Variants in CCDC63 observed in about 807,000 individuals in gnomAD.
CCDC63 encodes the protein coiled-coil domain-containing protein 63.
In CCDC63, 54 loss-of-function variants were observed where a neutral mutation model predicts 63.6. The observed-to-expected ratio is 0.85, with a 90% CI of 0.68 to 1.07. The LOEUF (loss-of-function observed/expected upper bound fraction) is 1.07. CCDC63 is among the 50% of genes least tolerant of loss of function. The probability of loss-of-function intolerance (pLI) is 0.00; values close to 1 mark genes in which losing one functional copy is unlikely to be tolerated. For synonymous variants in CCDC63, 253 were observed against 266.1 expected, an observed-to-expected ratio of 0.95 and a Z score of 0.48; for missense variants, 637 against 689.6, an observed-to-expected ratio of 0.92 and a Z score of 0.86.
intron 9 of CCDC63, among the ~76,000 whole-genome samples, chr12:110,895,918 G>A (rs1189991635): frequency 6.6e-6 from 1 of 152,186 alleles, no homozygotes; most frequent in Non-Finnish European, 1.5e-5. Flanking sequence ...GCTTGGTACA[G>A]GGAAGCTAAA....
intron 4 of CCDC63, among the ~76,000 whole-genome samples, chr12:110,867,624 G>A (rs1290720766): frequency 1.5e-5 from 2 of 130,520 alleles, no homozygotes; most frequent in Non-Finnish European, 3.3e-5. Flanking sequence ...CGGGCAGAGG[G>A]GCTCCTCACT....
chr12:110,901,459 C>G (rs1214285169), intron 10 of CCDC63, among the ~76,000 whole-genome samples: 1 of 151,930 alleles, frequency 6.6e-6, no homozygotes, highest in Admixed American at 6.6e-5. Context: ...AACCCCTGTA[C>G]TCAAGTCATC....
chr12:110,907,348 C>T lies in CCDC63; in HGVS notation c.1564C>T (p.His522Tyr), dbSNP rs73421366. 2.5e-6 allele frequency: 4 copies of T among 1,613,786 alleles called. No individual in the cohort carries two copies. The African/African-American group carries it at 4.0e-5, about 16-fold the overall frequency. ...TGGTGCAGTGGAACAGCCCCTGGAC[C>T]ACAGCAGCCTTCGGCAGCTGGTTCT... ...RLDDVEQPLD[H>Y]SSLRQLVLDN... Residue 522 changes from histidine (H) to tyrosine (Y), a missense_variant, in exon 12 of 12, where the codon CAC (histidine) becomes TAC (tyrosine). His to Tyr is a moderately conservative substitution (Grantham distance 83, BLOSUM62 2). Coordinates refer to ENST00000308208, the MANE Select transcript of CCDC63 (RefSeq NM_152591.3). This position sits in a 1 kb window ranked among gnomAD's most constrained non-coding sequence, Gnocchi z 4.4.
chr12:110,880,741 T>A, intron 6 of CCDC63, among the ~76,000 whole-genome samples: 1 of 384 alleles, frequency 2.6e-3, no homozygotes, highest in Non-Finnish European at 5.4e-3. Flanking sequence ...GATGGGGTGG[T>A]GATGGTGATG....
intron 8 of CCDC63, among the ~76,000 whole-genome samples, chr12:110,887,956 T>G (rs1393647521): frequency 4.6e-5 from 7 of 152,170 alleles, no homozygotes; most frequent in Non-Finnish European, 7.3e-5. Context: ...AAATTCTTAG[T>G]GGCAGTGATT....
intron 1 of CCDC63, among the ~76,000 whole-genome samples, chr12:110,852,517 C>A (rs1022252615): frequency 1.3e-5 from 2 of 152,142 alleles, no homozygotes; most frequent in Non-Finnish European, 2.9e-5. Context: ...CGACCTTGGC[C>A]TCCCAAAGTG....
At chr12:110,847,541 A>G (rs1362286914) in intron 1 of CCDC63, among the ~76,000 whole-genome samples, 1 of 150,076 alleles carries the variant, frequency 6.7e-6, no homozygotes, top group Non-Finnish European at 1.5e-5. Flanking sequence ...GGTGACAGAG[A>G]GAGAGAGAGA....
chr12:110,891,311 A>AAAAC (rs140894091), intron 8 of CCDC63, among the ~76,000 whole-genome samples: 2,363 of 150,454 alleles, frequency 0.016, 29 homozygotes, highest in African/African-American at 0.032. Flanking sequence ...AGCTTGTCTC[A>AAAAC]AAACAAACAA....
intron 10 of CCDC63, among the ~76,000 whole-genome samples, chr12:110,903,584 C>T (rs967942243): frequency 2.0e-5 from 3 of 152,102 alleles, no homozygotes; most frequent in Non-Finnish European, 2.9e-5. Flanking sequence ...GCGTCTAGCA[C>T]GGTGCATGGC....
intron 1 of CCDC63, among the ~76,000 whole-genome samples, chr12:110,847,881 A>G (rs1593628373): frequency 6.6e-6 from 1 of 152,366 alleles, no homozygotes. Context: ...GATATTAGAT[A>G]AATGAAGATG....
intron 8 of CCDC63, among the ~76,000 whole-genome samples, chr12:110,891,941 T>C (rs935945720): frequency 2.4e-4 from 36 of 152,096 alleles, no homozygotes; most frequent in Non-Finnish European, 8.8e-5. Flanking sequence ...GATTGGTCGG[T>C]CGAAAGGTGT....
intron 7 of CCDC63, 54 bp downstream of exon 7, chr12:110,881,350 T>C (rs2071207402): frequency 6.6e-7 from 1 of 1,520,004 alleles, no homozygotes. Flanking sequence ...TTGCCTTCTT[T>C]CTCTCTTTCT....
rs772084858 is a variant in CCDC63 at position 110,881,244 on chromosome 12, C to T, written c.801C>T (p.Leu267=). The T allele has an allele frequency of 2.6e-5, 42 of 1,613,668 alleles. No individual in the cohort carries two copies. The highest frequency in any genetic ancestry group is 1.6e-4 in the East Asian group (7 of 44,878). The change falls in exon 7 of 12, where the codon CTC becomes CTT. Residue 267 remains leucine, a synonymous_variant. Coordinates refer to ENST00000308208, the MANE Select transcript of CCDC63 (RefSeq NM_152591.3). ...AGAGCAAGCTCAAGTCCTTCCTGCT[C>T]GTCAAGCTGAATGATCGCAATGAAT... ...AHESKLKSFL[L]VKLNDRNEFE...
chr12:110,873,506 C>G (rs748016579), intron 4 of CCDC63, among the ~76,000 whole-genome samples: 3 of 152,180 alleles, frequency 2.0e-5, no homozygotes, highest in Admixed American at 6.5e-5. Context: ...GAAACCATGG[C>G]TTTGGGTAGG....
At chr12:110,852,260 G>T (rs1017525871) in intron 1 of CCDC63, among the ~76,000 whole-genome samples, 4 of 152,082 alleles carry the variant, frequency 2.6e-5, no homozygotes, top group Non-Finnish European at 5.9e-5. Context: ...CTGCCCCGAT[G>T]CCTTTTTTTT....
chr12:110,888,782 CTTCT>C (rs1592778038), intron 8 of CCDC63, among the ~76,000 whole-genome samples: 1 of 143,092 alleles, frequency 7.0e-6, no homozygotes, highest in Non-Finnish European at 1.5e-5. Context: ...TTTTTTGGTC[CTTCT>C]TTCCTTCCTT....
At chr12:110,866,366 AG>A (rs1234432212) in intron 4 of CCDC63, among the ~76,000 whole-genome samples, 2 of 141,264 alleles carry the variant, frequency 1.4e-5, no homozygotes, top group Non-Finnish European at 3.0e-5. Context: ...TTTCTCACAG[AG>A]GGGGATTTGG....
chr12:110,851,887 G>A lies in CCDC63; in HGVS notation c.-96-972G>A, dbSNP rs184436130. Among the ~76,000 whole-genome samples the A allele has an allele frequency of 6.2e-4, 95 of 152,286 alleles. 1 individual carries two copies. Among genetic ancestry groups the A allele is most frequent in the Non-Finnish European group, 1.2e-3 (81 of 68,028 alleles). The stretch of plus-strand genomic sequence containing the variant: ...GGAAAATGAGGACTACAGAACTGAA[G>A]TGGCTTGCCCGAGGTTAATAAGTGG... On this transcript the variant is annotated intron_variant, in intron 1 of 11. Transcript: ENST00000308208.
rs1566137146 is a variant in CCDC63 at position 110,893,108 on chromosome 12, AT to A, written c.1109del (p.Leu370CysfsTer10). ...EIILLRSQQK[L>X]SHDDNHSVLR... Reference sequence around the variant, plus strand: ...TCATCCTCTTGCGATCCCAGCAGAAATTGTCCCACGATGACAACCACTCTGT... The same window carrying A: ...TCATCCTCTTGCGATCCCAGCAGAAATGTCCCACGATGACAACCACTCTGT... On this transcript the variant is annotated frameshift_variant, in exon 9 of 12. Transcript: ENST00000308208. LOFTEE classifies it high-confidence loss of function. 1.2e-6 allele frequency: 2 copies of A among 1,614,042 alleles called. No individual in the cohort carries two copies. The highest frequency in any genetic ancestry group is 1.7e-6 in the Non-Finnish European group (2 of 1,179,978).
Sources: allele counts gnomAD v4.1 joint callset (sites outside exome capture counted in the v4.1 genomes callset), GRCh38; gene constraint gnomAD v4.1.1; non-coding constraint Gnocchi (gnomAD v3.1); transcripts MANE v1.5; gene names NCBI Gene and HGNC (gene_info 2026-07-23, HGNC 2026-07-21).